ATP8A1: variants seen among roughly 807,000 people sequenced by gnomAD.
ATP8A1 encodes the protein phospholipid-transporting ATPase IA.
A neutral mutation model predicts 177.7 loss-of-function variants in ATP8A1; 90 were observed. That is an observed-to-expected ratio of 0.51 (90% CI 0.43 to 0.60). The LOEUF (loss-of-function observed/expected upper bound fraction) is 0.60. Ranked by LOEUF, ATP8A1 falls within the 20% of genes least tolerant of loss-of-function variation. The pLI is 0.00. For missense variants in ATP8A1, 1,072 were observed against 1,392.8 expected, an observed-to-expected ratio of 0.77 and a Z score of 3.67; for synonymous variants, 493 against 485.9, an observed-to-expected ratio of 1.01 and a Z score of -0.19.
At chr4:42,619,656 G>C (rs947494969) in intron 4 of ATP8A1, among the ~76,000 whole-genome samples, 1 of 150,962 alleles carries the variant, frequency 6.6e-6, no homozygotes, top group East Asian at 1.9e-4. Flanking sequence ...TATATATATA[G>C]AGAGATTTAA....
intron 33 of ATP8A1, among the ~76,000 whole-genome samples, chr4:42,429,164 T>C (rs982989707): frequency 2.6e-5 from 4 of 152,220 alleles, no homozygotes; most frequent in African/African-American, 9.6e-5. Flanking sequence ...CATGGAGTTA[T>C]TCTAGGGAGA....
chr4:42,563,220 G>C (rs1731019772), intron 15 of ATP8A1, among the ~76,000 whole-genome samples: 1 of 152,208 alleles, frequency 6.6e-6, no homozygotes, highest in African/African-American at 2.4e-5. Flanking sequence ...GAACTTGTTG[G>C]GAACTGGAGA....
intron 24 of ATP8A1, among the ~76,000 whole-genome samples, chr4:42,494,634 T>C (rs748449846): frequency 2.9e-4 from 44 of 152,332 alleles, no homozygotes; most frequent in Non-Finnish European, 5.6e-4. Flanking sequence ...ATGTGACATA[T>C]AGCTCTTGGT....
chr4:42,492,575 A>G (rs1056191193), intron 24 of ATP8A1, among the ~76,000 whole-genome samples: 3 of 152,210 alleles, frequency 2.0e-5, no homozygotes, highest in African/African-American at 7.2e-5. Flanking sequence ...TGAACCAGGA[A>G]GAAGGCTCTC....
chr4:42,521,004 GA>G (rs1450904258), intron 22 of ATP8A1, among the ~76,000 whole-genome samples: 1 of 152,130 alleles, frequency 6.6e-6, no homozygotes, highest in African/African-American at 2.4e-5. Context: ...GAGGGGACGT[GA>G]GGAGCAGAGG....
intron 1 of ATP8A1, among the ~76,000 whole-genome samples, chr4:42,646,025 G>A (rs555893539): frequency 2.0e-5 from 3 of 152,224 alleles, no homozygotes; most frequent in East Asian, 1.9e-4. Flanking sequence ...ATGGTGGAGC[G>A]ACAGATCCAG....
chr4:42,454,528 C>A (rs983789813), intron 29 of ATP8A1, among the ~76,000 whole-genome samples: 4 of 152,086 alleles, frequency 2.6e-5, no homozygotes, highest in African/African-American at 7.2e-5. Flanking sequence ...CAAAATGACA[C>A]CTAACTTGAT....
Position 42,464,694 on chromosome 4 carries a change from A to T in ATP8A1, c.2615T>A (p.Ile872Asn). The T allele has an allele frequency of 6.4e-7, 1 of 1,574,532 alleles. No homozygotes were observed. Among genetic ancestry groups the T allele is most frequent in the Non-Finnish European group, 8.7e-7 (1 of 1,153,692 alleles). ...CFYKNIVLYI[I>N]EIWFAFVNGF... ...TAAAATTTAACCTGCTATTACCTCG[A>T]TAATATAGAGCACTATATTCTTGTA... is the stretch of plus-strand genomic sequence containing the variant. The change falls in exon 27 of 37, where the codon ATC becomes AAC. Residue 872 changes from isoleucine (I) to asparagine (N), a missense_variant. Ile to Asn is a moderately radical substitution (Grantham distance 149). Around this residue, in one of 5 missense-constraint regions of ATP8A1, gnomAD observed 316 missense variants for 459.1 expected, o/e 0.69. Transcript: ENST00000381668.
chr4:42,516,148 G>C (rs1399340910), intron 22 of ATP8A1, among the ~76,000 whole-genome samples: 1 of 152,194 alleles, frequency 6.6e-6, no homozygotes, highest in Non-Finnish European at 1.5e-5. Context: ...AGTCAGTCAA[G>C]CGCTGGAGAC....
At chr4:42,641,740 AATG>A (rs1296776698) in intron 1 of ATP8A1, among the ~76,000 whole-genome samples, 3 of 152,198 alleles carry the variant, frequency 2.0e-5, no homozygotes, top group African/African-American at 7.2e-5. Flanking sequence ...ATGAATGAAC[AATG>A]ATGAAAGTTA....
At chr4:42,431,091 C>G (rs1715243381) in intron 33 of ATP8A1, among the ~76,000 whole-genome samples, 1 of 152,184 alleles carries the variant, frequency 6.6e-6, no homozygotes, top group Admixed American at 6.5e-5. Flanking sequence ...TGGTTGTATT[C>G]CCAGAAACTA....
At chr4:42,598,194 T>C (rs1308019240) in intron 6 of ATP8A1, among the ~76,000 whole-genome samples, 1 of 152,194 alleles carries the variant, frequency 6.6e-6, no homozygotes, top group African/African-American at 2.4e-5. Context: ...TTAACTCTTT[T>C]AGTCAGTTGA....
intron 23 of ATP8A1, among the ~76,000 whole-genome samples, chr4:42,505,810 C>T (rs1418814176): frequency 6.6e-6 from 1 of 152,198 alleles, no homozygotes; most frequent in Non-Finnish European, 1.5e-5. Context: ...TAAAATACTT[C>T]CTTCAACTTG....
intron 20 of ATP8A1, among the ~76,000 whole-genome samples, chr4:42,533,468 C>T (rs1449854344): frequency 1.3e-5 from 2 of 152,106 alleles, no homozygotes; most frequent in African/African-American, 2.4e-5. Context: ...CTGGGAACCG[C>T]ACCCCCATCC....
At chr4:42,555,139 A>ATCTATCTATCTATCTAATCT (rs1553903246) in intron 16 of ATP8A1, among the ~76,000 whole-genome samples, 2 of 59,508 alleles carry the variant, frequency 3.4e-5, no homozygotes, top group African/African-American at 7.0e-5. Flanking sequence ...CTATCTATCT[A>ATCTATCTATCTATCTAATCT]ATCTATCTAT....
At chr4:42,498,879 G>C (rs1003315273) in intron 24 of ATP8A1, among the ~76,000 whole-genome samples, 40 of 152,276 alleles carry the variant, frequency 2.6e-4, no homozygotes, top group African/African-American at 9.4e-4. Context: ...AAATTCCTTA[G>C]ATGTATCCCC....
At chr4:42,489,083 C>G (rs1418562744) in intron 24 of ATP8A1, among the ~76,000 whole-genome samples, 2 of 152,092 alleles carry the variant, frequency 1.3e-5, no homozygotes, top group African/African-American at 4.8e-5. Flanking sequence ...CCCTAATTTT[C>G]CAGGGAACAA....
chr4:42,558,534 A>C (rs918405326), intron 15 of ATP8A1, among the ~76,000 whole-genome samples: 4 of 152,232 alleles, frequency 2.6e-5, no homozygotes, highest in Non-Finnish European at 5.9e-5. Flanking sequence ...AAAAATGAAG[A>C]ATCTCTATAG....
At chr4:42,656,758 C>T (rs1185712993) in intron 1 of ATP8A1, 67 bp downstream of exon 1, 1 of 1,434,008 alleles carries the variant, frequency 7.0e-7, no homozygotes, top group East Asian at 2.9e-5. Flanking sequence ...CCAGGATAAA[C>T]ACACACGCTC....
Sources: allele counts gnomAD v4.1 joint callset (sites outside exome capture counted in the v4.1 genomes callset), GRCh38; gene constraint gnomAD v4.1.1; regional missense constraint gnomAD v4.1.1; transcripts MANE v1.5; gene names NCBI Gene and HGNC (gene_info 2026-07-23, HGNC 2026-07-21).